The following TCF12 variants were observed in gnomAD, a reference collection of about 807,000 sequenced individuals.
The protein encoded by TCF12 is DNA-binding protein HTF4.
A neutral mutation model predicts 86.0 loss-of-function variants in TCF12; 45 were observed. The ratio of observed to expected loss-of-function variants is 0.52; its 90% CI spans 0.41 to 0.67. TCF12 has a LOEUF of 0.67. TCF12 is among the 30% of genes least tolerant of loss of function. TCF12 has a pLI of 0.00. For synonymous variants in TCF12, 330 were observed against 299.6 expected (o/e 1.10, Z -1.05); for missense variants, 881 against 859.9 (o/e 1.02, Z -0.31).
At chr15:56,957,665 C>T (rs964391299) in intron 3 of TCF12, among the ~76,000 whole-genome samples, 2 of 152,108 alleles carry the variant, frequency 1.3e-5, no homozygotes, top group Non-Finnish European at 1.5e-5. Context: ...TCTGTCAGTT[C>T]TGCTTAGATT....
At chr15:56,980,556 G>T (rs2062841327) in intron 3 of TCF12, among the ~76,000 whole-genome samples, 1 of 152,176 alleles carries the variant, frequency 6.6e-6, no homozygotes, top group African/African-American at 2.4e-5. Flanking sequence ...CCCAGTCTCT[G>T]GCATTTTGTT....
chr15:57,275,327 G>GGGGTGTGTGTGTGTGTGT (rs2061328433), intron 19 of TCF12, among the ~76,000 whole-genome samples: 5 of 64,058 alleles, frequency 7.8e-5, no homozygotes, highest in Admixed American at 1.7e-4. Context: ...GTAAGGTAGG[G>GGGGTGTGTGTGTGTGTGT]GTGTGTGTGT....
chr15:57,213,710 C>T (rs1392339853), intron 8 of TCF12, among the ~76,000 whole-genome samples: 2 of 151,892 alleles, frequency 1.3e-5, no homozygotes, highest in Non-Finnish European at 2.9e-5. Context: ...AAAGAAGAAA[C>T]AAAAAAACGG....
intron 3 of TCF12, among the ~76,000 whole-genome samples, chr15:56,963,187 T>C (rs1321965940): frequency 6.6e-6 from 1 of 152,128 alleles, no homozygotes; most frequent in Non-Finnish European, 1.5e-5. Flanking sequence ...TATTTTGTGT[T>C]AACTTGAAGA....
chr15:57,082,641 A>G (rs1404215179), intron 4 of TCF12, among the ~76,000 whole-genome samples: 1 of 152,198 alleles, frequency 6.6e-6, no homozygotes, highest in African/African-American at 2.4e-5. Flanking sequence ...ACAACTTACA[A>G]GGGGATTTTG....
intron 8 of TCF12, chr15:57,219,353 C>T: frequency 1.6e-6 from 2 of 1,267,676 alleles, no homozygotes; most frequent in Non-Finnish European, 2.0e-6. Flanking sequence ...ATAAACCCTC[C>T]CTCTGTGCTC....
intron 6 of TCF12, among the ~76,000 whole-genome samples, chr15:57,175,557 A>C (rs2055850674): frequency 6.6e-6 from 1 of 152,214 alleles, no homozygotes; most frequent in African/African-American, 2.4e-5. Context: ...CAACAGGATT[A>C]ATTAAAACTA....
chr15:57,182,684 G>A (rs2151652005), intron 6 of TCF12, among the ~76,000 whole-genome samples: 1 of 152,126 alleles, frequency 6.6e-6, no homozygotes, highest in South Asian at 2.1e-4. Flanking sequence ...AAGAAGACAG[G>A]GCATTTCCTA....
Position 56,919,882 on chromosome 15 carries a change from T to C in TCF12, c.-22-10T>C. The C allele has an allele frequency of 6.2e-7, 1 of 1,613,156 alleles. No individual in the cohort carries two copies. On this transcript the variant is annotated splice_polypyrimidine_tract_variant and intron_variant, in intron 1 of 20. Transcript: ENST00000333725. ...GTGGTCTCTCGCTGAGCCCGTTTCC[T>C]CTGCCCTAGGACCTGCTAGAAGTGG... is the stretch of plus-strand genomic sequence containing the variant.
chr15:57,167,038 C>G (rs796466142), intron 6 of TCF12, among the ~76,000 whole-genome samples: 1 of 152,120 alleles, frequency 6.6e-6, no homozygotes, highest in African/African-American at 2.4e-5. Context: ...AGATTCCCAT[C>G]AGAATCAAGC....
chr15:57,253,716 A>G (rs1425047236), intron 16 of TCF12, among the ~76,000 whole-genome samples: 1 of 152,234 alleles, frequency 6.6e-6, no homozygotes, highest in African/African-American at 2.4e-5. Context: ...ATTTTTTTCC[A>G]GATGTGTAAT....
chr15:57,249,757 C>G (rs938921664), intron 13 of TCF12, among the ~76,000 whole-genome samples: 37 of 152,284 alleles, frequency 2.4e-4, no homozygotes, highest in African/African-American at 8.9e-4. Context: ...ATTAAACCTT[C>G]AACTTCCAAC....
intron 13 of TCF12, among the ~76,000 whole-genome samples, chr15:57,245,526 C>T (rs1258797327): frequency 6.6e-6 from 1 of 152,198 alleles, no homozygotes; most frequent in East Asian, 1.9e-4. Flanking sequence ...CACTACCTCG[C>T]CTTGTCTGTG....
intron 6 of TCF12, 79 bp from the exon 7 acceptor site, chr15:57,192,079 A>G: frequency 6.6e-7 from 1 of 1,520,022 alleles, no homozygotes; most frequent in Non-Finnish European, 8.9e-7. Context: ...AGTTGTAAAT[A>G]ATTCAGAAGT....
At chr15:56,918,472 C>T (rs186618828), upstream of TCF12, 1,372 of 330,380 alleles carry the variant, frequency 4.2e-3, 19 homozygotes, top group Admixed American at 0.03. Flanking sequence ...GCCCCAACTC[C>T]GTCCCGCCTC....
intron 5 of TCF12, among the ~76,000 whole-genome samples, chr15:57,154,263 T>C (rs1025718217): frequency 2.0e-5 from 3 of 152,198 alleles, no homozygotes; most frequent in Non-Finnish European, 2.9e-5. Flanking sequence ...AATAGTGAAC[T>C]ACTTAACATC....
intron 3 of TCF12, among the ~76,000 whole-genome samples, chr15:57,008,679 G>T (rs189071565): frequency 6.6e-6 from 1 of 152,244 alleles, no homozygotes; most frequent in Non-Finnish European, 1.5e-5. Context: ...ATTACAGAGG[G>T]AAACAAAAGT....
intron 3 of TCF12, among the ~76,000 whole-genome samples, chr15:56,969,799 G>A (rs193292355): frequency 1.3e-5 from 2 of 152,278 alleles, no homozygotes; most frequent in Admixed American, 1.3e-4. Context: ...AATAGATAAT[G>A]CAAATTTAAT....
At chr15:57,286,029 T>G (rs2061920631) in intron 20 of TCF12, 128 bp from the exon 21 acceptor site, 1 of 152,428 alleles carries the variant, frequency 6.6e-6, no homozygotes, top group Admixed American at 6.5e-5. Context: ...GACTACAAAT[T>G]TAGTGCAGAC....
Sources: gnomAD v4.1 joint callset for allele counts (sites outside exome capture counted in the v4.1 genomes callset) on GRCh38, gnomAD v4.1.1 for gene constraint, MANE v1.5 for transcripts, NCBI Gene and HGNC (gene_info 2026-07-23, HGNC 2026-07-21) for gene names.